The following CSMD3 variants were observed in gnomAD, a reference collection of about 807,000 sequenced individuals.
The protein encoded by CSMD3 is CUB and Sushi multiple domains 3.
Under a neutral mutation model 435.2 loss-of-function variants are expected in CSMD3, and 177 were observed. That is an observed-to-expected ratio of 0.41 (90% CI 0.36 to 0.46). The LOEUF (loss-of-function observed/expected upper bound fraction) is 0.46, where lower values mean the gene tolerates loss of function less well. CSMD3 is among the 20% of genes least tolerant of loss of function. The pLI is 0.34. For missense variants in CSMD3, 4,265 were observed against 4,504.6 expected (o/e 0.95, Z 1.52); for synonymous variants, 1,656 against 1,520.5 (o/e 1.09, Z -2.07).
intron 6 of CSMD3, among the ~76,000 whole-genome samples, chr8:112,995,573 T>C (rs2085618827): frequency 5.9e-5 from 9 of 151,366 alleles, no homozygotes. Flanking sequence ...CATTAGGAAA[T>C]CTTAAGTAAC....
At chr8:113,283,837 A>C (rs1045591912) in intron 2 of CSMD3, among the ~76,000 whole-genome samples, 1 of 152,208 alleles carries the variant, frequency 6.6e-6, no homozygotes, top group South Asian at 2.1e-4. Flanking sequence ...CCACATGTCC[A>C]TCAATCAACG....
intron 27 of CSMD3, among the ~76,000 whole-genome samples, chr8:112,518,467 G>A (rs1400125510): frequency 1.3e-5 from 2 of 152,196 alleles, no homozygotes; most frequent in East Asian, 1.9e-4. Context: ...ATGACTGTCC[G>A]TCTGCACTAA....
intron 49 of CSMD3, 91 bp from the exon 50 acceptor site, chr8:112,311,257 A>T: frequency 1.0e-6 from 1 of 988,762 alleles, no homozygotes; most frequent in Non-Finnish European, 1.6e-6. Flanking sequence ...CTAGTGCTTA[A>T]AAGTAGGTCA....
chr8:113,431,783 A>G (rs1554638182), intron 1 of CSMD3, among the ~76,000 whole-genome samples: 1 of 149,694 alleles, frequency 6.7e-6, no homozygotes, highest in African/African-American at 2.5e-5. Context: ...TTTTTTGTTT[A>G]TCAGCTTTCA....
intron 1 of CSMD3, among the ~76,000 whole-genome samples, chr8:113,367,036 A>G (rs1040294530): frequency 6.6e-6 from 1 of 151,918 alleles, no homozygotes; most frequent in African/African-American, 2.4e-5. Flanking sequence ...TAAGGTTGAG[A>G]GCAAATATTC....
chr8:112,238,962 A>G (rs1813855085), intron 66 of CSMD3, among the ~76,000 whole-genome samples: 1 of 152,060 alleles, frequency 6.6e-6, no homozygotes, highest in African/African-American at 2.4e-5. Context: ...ATGAACTTCA[A>G]TCTAACTTAA....
At chr8:113,277,737 G>C (rs903901485) in intron 3 of CSMD3, among the ~76,000 whole-genome samples, 1 of 151,770 alleles carries the variant, frequency 6.6e-6, no homozygotes, top group Non-Finnish European at 1.5e-5. Flanking sequence ...ATCCCTATGG[G>C]GAAGAAAAGG....
intron 22 of CSMD3, among the ~76,000 whole-genome samples, chr8:112,596,849 T>C (rs2131394208): frequency 6.6e-6 from 1 of 152,044 alleles, no homozygotes; most frequent in African/African-American, 2.4e-5. Context: ...CCAGAATCTC[T>C]GGGACGCATT....
At chr8:113,350,181 T>C (rs904031627) in intron 1 of CSMD3, among the ~76,000 whole-genome samples, 1 of 151,994 alleles carries the variant, frequency 6.6e-6, no homozygotes, top group Non-Finnish European at 1.5e-5. Flanking sequence ...GACAACATCA[T>C]ACGGAGGAGA....
intron 19 of CSMD3, 148 bp from the exon 20 acceptor site, chr8:112,645,373 G>T: frequency 1.4e-6 from 1 of 693,336 alleles, no homozygotes; most frequent in Non-Finnish European, 2.6e-6. Context: ...CAGCACTAGA[G>T]AAGAAAAGTG....
At chr8:112,287,568 A>T (rs1024989354) in intron 57 of CSMD3, among the ~76,000 whole-genome samples, 1 of 152,122 alleles carries the variant, frequency 6.6e-6, no homozygotes, top group African/African-American at 2.4e-5. Context: ...AGTACTATGA[A>T]CTCAAATGAC....
At chr8:112,234,316 CA>C in intron 68 of CSMD3, 48 bp downstream of exon 68, 2 of 1,255,716 alleles carry the variant, frequency 1.6e-6, no homozygotes, top group Non-Finnish European at 1.2e-6. Flanking sequence ...GGACAAGCTA[CA>C]AATTTATCAT....
intron 9 of CSMD3, among the ~76,000 whole-genome samples, chr8:112,937,300 A>G (rs2083309328): frequency 6.6e-6 from 1 of 152,060 alleles, no homozygotes; most frequent in Non-Finnish European, 1.5e-5. Context: ...CACAAGAATC[A>G]AAAGAACAGT....
intron 1 of CSMD3, among the ~76,000 whole-genome samples, chr8:113,395,165 T>C (rs1173390337): frequency 6.6e-6 from 1 of 152,184 alleles, no homozygotes; most frequent in Non-Finnish European, 1.5e-5. Flanking sequence ...ACAGTTAGCA[T>C]TTTAAGAGAC....
At chr8:112,295,565 G>T (rs1249180225) in intron 54 of CSMD3, among the ~76,000 whole-genome samples, 3 of 151,346 alleles carry the variant, frequency 2.0e-5, no homozygotes, top group Non-Finnish European at 2.9e-5. Flanking sequence ...TTCCATATAA[G>T]AATATTAATT....
intron 3 of CSMD3, among the ~76,000 whole-genome samples, chr8:113,208,376 T>A (rs538707363): frequency 6.6e-6 from 1 of 152,274 alleles, no homozygotes; most frequent in East Asian, 1.9e-4. Flanking sequence ...TTCAGTATCC[T>A]CTTCCATACA....
chr8:113,038,651 A>C (rs1221629088), intron 5 of CSMD3, among the ~76,000 whole-genome samples: 1 of 152,138 alleles, frequency 6.6e-6, no homozygotes, highest in Non-Finnish European at 1.5e-5. Flanking sequence ...AGCTCCAGGA[A>C]GTGTCCAGCA....
intron 13 of CSMD3, among the ~76,000 whole-genome samples, chr8:112,793,516 C>A (rs1035535481): frequency 6.6e-6 from 1 of 152,008 alleles, no homozygotes; most frequent in African/African-American, 2.4e-5. Flanking sequence ...AAAATAAAAA[C>A]TTGCAGCAAA....
intron 31 of CSMD3, 139 bp downstream of exon 31, chr8:112,492,350 T>C (rs975593479): frequency 7.0e-6 from 5 of 716,386 alleles, no homozygotes; most frequent in African/African-American, 5.3e-5. Context: ...TTAAAATGTT[T>C]GATAAAATCT....
Sources: gnomAD v4.1 joint callset for allele counts (sites outside exome capture counted in the v4.1 genomes callset) on GRCh38, gnomAD v4.1.1 for gene constraint, MANE v1.5 for transcripts, NCBI Gene and HGNC (gene_info 2026-07-23, HGNC 2026-07-21) for gene names.